Variants in FANCC observed in about 807,000 individuals in gnomAD.
FANCC encodes the protein Fanconi anemia group C protein.
FANCC carries 55 observed loss-of-function variants against 71.3 expected under a neutral mutation model. The ratio of observed to expected loss-of-function variants is 0.77; its 90% CI spans 0.62 to 0.97. The LOEUF (loss-of-function observed/expected upper bound fraction) is 0.97. FANCC is among the 50% of genes least tolerant of loss of function. The pLI is 0.00. For synonymous variants in FANCC, 275 were observed against 244.9 expected (o/e 1.12, Z -1.15); for missense variants, 678 against 670.9 (o/e 1.01, Z -0.12).
rs4647360 is a variant in FANCC at position 95,316,037 on chromosome 9, G to A, written c.-79+1489C>T. 3.3e-3 allele frequency among the ~76,000 whole-genome samples: 508 copies of A among 152,326 alleles called. 9 individuals are homozygous for A. In the East Asian group the frequency reaches 0.044, roughly 13 times the overall value. On this transcript the variant is annotated intron_variant, in intron 1 of 14. Transcript: ENST00000289081. ...AACAAAAAATACCAATATAGAGCCT[G>A]CTTTTCTTTTCTGATGCCTTGGTAA...
chr9:95,294,171 T>C lies in FANCC; in HGVS notation c.-79+23355A>G, dbSNP rs1834235852. On this transcript the variant is annotated intron_variant, in intron 1 of 14. Transcript: ENST00000289081. ...CTGCTCAGACATTGGATCATCATAG[T>C]CTTTTGTCTAACACAAATCCTGGAC... 1.9e-6 allele frequency: 3 copies of C among 1,604,158 alleles called. No homozygotes were observed. In the East Asian group the frequency reaches 6.7e-5, roughly 36 times the overall value.
intron 4 of FANCC, 115 bp from the exon 5 acceptor site, chr9:95,172,262 T>C: frequency 1.5e-6 from 1 of 651,898 alleles, no homozygotes; most frequent in Non-Finnish European, 2.7e-6. Flanking sequence ...AACAAAAAAA[T>C]CTGTTTGTCA....
Position 95,249,379 on chromosome 9 carries a change from AG to A in FANCC, c.-78-11del. ...TCGGCACACATTAAATCTGTAAGAA[AG>A]GGAACAAATAGAAGCATTTCTAAAA... On this transcript the variant is annotated splice_polypyrimidine_tract_variant and intron_variant, in intron 1 of 14. Transcript: ENST00000289081. 7.5e-7 allele frequency: 1 copy of A among 1,342,112 alleles called. No individual in the cohort carries two copies. The highest frequency in any genetic ancestry group is 1.2e-5 in the South Asian group (1 of 83,658). 83.1% of individuals were successfully genotyped at this position (1,342,112 alleles called of 1,614,324 possible).
intron 3 of FANCC, among the ~76,000 whole-genome samples, chr9:95,246,658 G>C (rs968534032): frequency 6.6e-6 from 1 of 152,184 alleles, no homozygotes; most frequent in Non-Finnish European, 1.5e-5. Context: ...AGTGAAGTAA[G>C]TGTATTAAAG....
intron 1 of FANCC, among the ~76,000 whole-genome samples, chr9:95,270,964 C>G (rs951459992): frequency 6.6e-6 from 1 of 152,146 alleles, no homozygotes; most frequent in Non-Finnish European, 1.5e-5. Flanking sequence ...CCACCCTCCC[C>G]CTTCTTAACG....
At chr9:95,279,814 G>A (rs974679186) in intron 1 of FANCC, among the ~76,000 whole-genome samples, 6 of 151,984 alleles carry the variant, frequency 3.9e-5, no homozygotes, top group Non-Finnish European at 8.8e-5. Flanking sequence ...TGGCTGTGGT[G>A]GCAGGTGCCT....
chr9:95,209,506 C>T (rs1828362224), intron 4 of FANCC, among the ~76,000 whole-genome samples: 1 of 152,108 alleles, frequency 6.6e-6, no homozygotes, highest in Non-Finnish European at 1.5e-5. Context: ...ATACCTGTAC[C>T]TTCCACTCAA....
At chr9:95,144,560 G>T (rs936135039) in intron 7 of FANCC, among the ~76,000 whole-genome samples, 1 of 152,172 alleles carries the variant, frequency 6.6e-6, no homozygotes, top group Non-Finnish European at 1.5e-5. Context: ...GGGTTTCACA[G>T]AAGACCAGGA....
chr9:95,306,374 G>A (rs1414794942), intron 1 of FANCC, among the ~76,000 whole-genome samples: 4 of 152,156 alleles, frequency 2.6e-5, no homozygotes. Context: ...AGCAGAAACT[G>A]GTTGGGCAGT....
In FANCC at chr9:95,189,528, C is replaced by CAG. The variant is rs11425135; in HGVS notation, c.346-17382_346-17381insCT. Among the ~76,000 whole-genome samples the CAG allele has an allele frequency of 3.0e-4, 45 of 151,666 alleles. 2 individuals are homozygous for CAG. The highest frequency in any genetic ancestry group is 1.7e-3 in the East Asian group (9 of 5,148). On this transcript the variant is annotated intron_variant, in intron 4 of 14. Transcript: ENST00000289081. ...CTCTTGCTTGCTCGCTCATTAGTTC[C>CAG]GGGGGGGGAAATAGAGTAGGCTTCC...
chr9:95,157,910 C>T (rs1712514578), intron 6 of FANCC, among the ~76,000 whole-genome samples: 1 of 152,208 alleles, frequency 6.6e-6, no homozygotes, highest in Non-Finnish European at 1.5e-5. Flanking sequence ...AACTGCAATA[C>T]TTGATAAATG....
chr9:95,216,555 CT>C (rs1267032455), intron 4 of FANCC, among the ~76,000 whole-genome samples: 1 of 152,178 alleles, frequency 6.6e-6, no homozygotes, highest in Non-Finnish European at 1.5e-5. Context: ...CAGCCAACCC[CT>C]TTGGAAAAGA....
At chr9:95,250,046 A>G (rs1831233870) in intron 1 of FANCC, among the ~76,000 whole-genome samples, 1 of 152,218 alleles carries the variant, frequency 6.6e-6, no homozygotes, top group South Asian at 2.1e-4. Context: ...TCCCAGTGAC[A>G]GTAGATAAAA....
intron 14 of FANCC, among the ~76,000 whole-genome samples, chr9:95,103,183 G>A (rs959744058): frequency 2.6e-5 from 4 of 152,038 alleles, no homozygotes; most frequent in Admixed American, 6.5e-5. Flanking sequence ...CATGCTGATG[G>A]GCTTGGCCAT....
intron 4 of FANCC, among the ~76,000 whole-genome samples, chr9:95,181,101 T>C (rs1826327448): frequency 6.6e-6 from 1 of 151,990 alleles, no homozygotes; most frequent in Non-Finnish European, 1.5e-5. Flanking sequence ...ACCTTGAATG[T>C]ACCTAACCTT....
intron 10 of FANCC, among the ~76,000 whole-genome samples, chr9:95,124,802 A>G (rs924566260): frequency 6.6e-6 from 1 of 152,236 alleles, no homozygotes; most frequent in Admixed American, 6.5e-5. Flanking sequence ...TGCACAACAC[A>G]GGGCCAAGAA....
chr9:95,302,858 C>G (rs1834835086), intron 1 of FANCC, among the ~76,000 whole-genome samples: 1 of 152,236 alleles, frequency 6.6e-6, no homozygotes, highest in African/African-American at 2.4e-5. Context: ...ATAGCATGAT[C>G]ACTGCAGACG....
chr9:95,244,712 A>C (rs576821129), intron 3 of FANCC, among the ~76,000 whole-genome samples: 5 of 137,650 alleles, frequency 3.6e-5, no homozygotes, highest in Non-Finnish European at 6.2e-5. Flanking sequence ...AAAAAAAAAA[A>C]ACCCAACACT....
chr9:95,137,426 G>C (rs960273328), intron 7 of FANCC, among the ~76,000 whole-genome samples: 3 of 151,996 alleles, frequency 2.0e-5, no homozygotes, highest in Non-Finnish European at 4.4e-5. Context: ...CTGATCTCAC[G>C]CTCACACCCT....
Sources: gnomAD v4.1 joint callset for allele counts (sites outside exome capture counted in the v4.1 genomes callset) on GRCh38, gnomAD v4.1.1 for gene constraint, MANE v1.5 for transcripts, NCBI Gene and HGNC (gene_info 2026-07-23, HGNC 2026-07-21) for gene names.